PLCE1: variants seen among roughly 807,000 people sequenced by gnomAD.
PLCE1 encodes phospholipase C epsilon 1, also known as 1-phosphatidylinositol 4,5-bisphosphate phosphodiesterase epsilon-1.
In PLCE1, 119 loss-of-function variants were observed where a neutral mutation model predicts 242.8. The observed-to-expected ratio is 0.49, with a 90% CI of 0.42 to 0.57. The LOEUF is 0.57. PLCE1 is among the 20% of genes least tolerant of loss of function. PLCE1 has a pLI of 0.00. For synonymous variants in PLCE1, 945 were observed against 1,017.4 expected (o/e 0.93, Z 1.35); for missense variants, 2,441 against 2,788.8 (o/e 0.88, Z 2.81).
At chr10:94,050,051 T>C (rs991938774) in intron 2 of PLCE1, among the ~76,000 whole-genome samples, 5 of 152,222 alleles carry the variant, frequency 3.3e-5, no homozygotes, top group Non-Finnish European at 7.3e-5. Flanking sequence ...GGGGCTTCTA[T>C]GAATAGTGCT....
At chr10:94,301,991 GGCAATGGTATGTTT>G (rs2053055046) in intron 24 of PLCE1, among the ~76,000 whole-genome samples, 1 of 152,326 alleles carries the variant, frequency 6.6e-6, no homozygotes, top group South Asian at 2.1e-4. Context: ...AGACCATCAA[GGCAATGGTATGTTT>G]ATCTATCATT....
chr10:94,162,098 G>A (rs1455146910), intron 3 of PLCE1, among the ~76,000 whole-genome samples: 3 of 152,174 alleles, frequency 2.0e-5, no homozygotes, highest in Non-Finnish European at 4.4e-5. Flanking sequence ...GTTCATCAGG[G>A]ATATTGGTCT....
At chr10:94,136,452 G>A (rs1309121685) in intron 3 of PLCE1, among the ~76,000 whole-genome samples, 1 of 152,136 alleles carries the variant, frequency 6.6e-6, no homozygotes, top group Non-Finnish European at 1.5e-5. Flanking sequence ...TGTTTTGCAG[G>A]TCTTTCATCC....
At chr10:94,175,206 A>C (rs1378302892) in intron 4 of PLCE1, among the ~76,000 whole-genome samples, 2 of 152,254 alleles carry the variant, frequency 1.3e-5, no homozygotes, top group East Asian at 3.9e-4. Context: ...GTCTGTAGTA[A>C]AACCTGACTT....
At chr10:94,142,060 G>T (rs1047926007) in intron 3 of PLCE1, among the ~76,000 whole-genome samples, 1 of 152,070 alleles carries the variant, frequency 6.6e-6, no homozygotes, top group Non-Finnish European at 1.5e-5. Context: ...TCCAAGAAAG[G>T]CCTTTAAATG....
intron 4 of PLCE1, among the ~76,000 whole-genome samples, chr10:94,222,747 C>T (rs1452652877): frequency 6.6e-6 from 1 of 152,150 alleles, no homozygotes; most frequent in African/African-American, 2.4e-5. Context: ...AAGTTCAAAC[C>T]CTGTCCACAC....
At position 94,032,101 on chromosome 10, in the gene PLCE1, C is replaced by T. The variant is rs1056300115; in HGVS notation, c.1055C>T (p.Pro352Leu). The change falls in exon 2 of 33, where the codon CCT becomes CTT. Residue 352 changes from proline to leucine, a missense_variant. This residue lies in a region of PLCE1 where 733 missense variants were observed against 754.2 expected (regional missense o/e 0.97). Coordinates refer to ENST00000371380, the MANE Select transcript of PLCE1 (RefSeq NM_016341.4). ...ACAAGAGCAATTGTGAGAACTCTGC[C>T]TTCTGGCCACATTGGGCTGACTGCA... The part of the protein sequence containing the change: ...TGTRAIVRTL[P>L]SGHIGLTAWS... The T allele has an allele frequency of 6.2e-7, 1 of 1,611,032 alleles. No homozygotes were observed. Among genetic ancestry groups the T allele is most frequent in the Non-Finnish European group, 8.5e-7 (1 of 1,178,902 alleles).
intron 13 of PLCE1, among the ~76,000 whole-genome samples, chr10:94,260,164 T>C (rs1310682917): frequency 6.6e-6 from 1 of 152,168 alleles, no homozygotes; most frequent in Non-Finnish European, 1.5e-5. Flanking sequence ...CCCCAGTCTC[T>C]TCCCTACCTA....
At chr10:94,078,874 C>T (rs1293123622) in intron 2 of PLCE1, among the ~76,000 whole-genome samples, 10 of 152,164 alleles carry the variant, frequency 6.6e-5, no homozygotes, top group Non-Finnish European at 1.2e-4. Context: ...CTGACCTCCA[C>T]AACAATACCT....
intron 3 of PLCE1, among the ~76,000 whole-genome samples, chr10:94,161,789 G>T (rs1052242718): frequency 1.3e-5 from 2 of 152,038 alleles, no homozygotes; most frequent in Non-Finnish European, 2.9e-5. Context: ...ATTGGCTGTG[G>T]GTTTGTCATA....
At chr10:94,032,871 C>G (rs2061587986) in intron 2 of PLCE1, among the ~76,000 whole-genome samples, 1 of 151,936 alleles carries the variant, frequency 6.6e-6, no homozygotes, top group Non-Finnish European at 1.5e-5. Context: ...ATAATAATAT[C>G]TAGTTATGTG....
At chr10:94,144,759 C>T (rs866392310) in intron 3 of PLCE1, among the ~76,000 whole-genome samples, 6 of 152,030 alleles carry the variant, frequency 3.9e-5, no homozygotes, top group Admixed American at 3.3e-4. Flanking sequence ...GAAGTCTGGG[C>T]GGAGAGTGGT....
At chr10:94,072,399 C>T (rs769746932) in intron 2 of PLCE1, among the ~76,000 whole-genome samples, 4 of 152,080 alleles carry the variant, frequency 2.6e-5, no homozygotes, top group Non-Finnish European at 5.9e-5. Flanking sequence ...GCATCAGCCT[C>T]CTGAGCAACT....
intron 23 of PLCE1, among the ~76,000 whole-genome samples, chr10:94,294,177 C>T (rs902358889): frequency 1.4e-4 from 22 of 152,064 alleles, no homozygotes; most frequent in African/African-American, 5.1e-4. Flanking sequence ...GTTTGCCTCA[C>T]GAGTAAAAAT....
chr10:94,282,642 T>C (rs2052282017), intron 20 of PLCE1, among the ~76,000 whole-genome samples: 1 of 152,202 alleles, frequency 6.6e-6, no homozygotes, highest in African/African-American at 2.4e-5. Context: ...ACAGTCAAAA[T>C]ATTAAATCTA....
chr10:94,187,275 G>A (rs2048511529), intron 4 of PLCE1, among the ~76,000 whole-genome samples: 1 of 151,870 alleles, frequency 6.6e-6, no homozygotes, highest in Non-Finnish European at 1.5e-5. Context: ...ATTCTGGTTT[G>A]TTGGAAGGGA....
At chr10:94,166,262 T>A (rs767369050) in intron 3 of PLCE1, among the ~76,000 whole-genome samples, 2 of 152,196 alleles carry the variant, frequency 1.3e-5, no homozygotes, top group Non-Finnish European at 2.9e-5. Flanking sequence ...TGGTCTATAT[T>A]TTTGCAAGAG....
chr10:94,183,169 T>C (rs1034023604), intron 4 of PLCE1, among the ~76,000 whole-genome samples: 2 of 152,180 alleles, frequency 1.3e-5, no homozygotes, highest in Non-Finnish European at 2.9e-5. Flanking sequence ...TTTAGAGATT[T>C]TTACTGCACA....
intron 4 of PLCE1, 62 bp from the exon 5 acceptor site, chr10:94,227,244 G>T: frequency 6.7e-7 from 1 of 1,491,708 alleles, no homozygotes; most frequent in South Asian, 1.1e-5. Flanking sequence ...AATGCTTTTG[G>T]AAAAAAAAAT....
Sources: gnomAD v4.1 joint callset for allele counts (sites outside exome capture counted in the v4.1 genomes callset) on GRCh38, gnomAD v4.1.1 for gene constraint, gnomAD v4.1.1 regional missense constraint, MANE v1.5 for transcripts, NCBI Gene and HGNC (gene_info 2026-07-23, HGNC 2026-07-21) for gene names.